HK2: variants seen among roughly 807,000 people sequenced by gnomAD.
The protein encoded by HK2 is hexokinase 2, also known as hexokinase-2.
Under a neutral mutation model 92.9 loss-of-function variants are expected in HK2, and 42 were observed. The observed-to-expected ratio is 0.45, with a 90% CI of 0.35 to 0.58. The LOEUF (loss-of-function observed/expected upper bound fraction) is 0.58. Ranked by LOEUF, HK2 falls within the 20% of genes least tolerant of loss-of-function variation. The pLI is 0.00. For synonymous variants in HK2, 422 were observed against 468.0 expected, an observed-to-expected ratio of 0.90 and a Z score of 1.27; for missense variants, 978 against 1,245.1, an observed-to-expected ratio of 0.79 and a Z score of 3.23.
chr2:74,880,608 C>T, intron 10 of HK2, 39 bp downstream of exon 10: 3 of 1,597,736 alleles, frequency 1.9e-6, no homozygotes, highest in Non-Finnish European at 2.6e-6. Context: ...CATGGTGGGC[C>T]TTTGTCCTGG....
chr2:74,877,884 C>T (rs1365903474), intron 8 of HK2, among the ~76,000 whole-genome samples: 2 of 152,154 alleles, frequency 1.3e-5, no homozygotes, highest in Non-Finnish European at 2.9e-5. Context: ...AGGCGGGCCT[C>T]GTTTACTGTT....
intron 1 of HK2, chr2:74,835,040 C>G: frequency 3.3e-6 from 1 of 299,900 alleles, no homozygotes. Context: ...AGAATCGTGG[C>G]TGCGGGAGGC....
rs1689546140 is a variant in HK2, at chr2:74,886,616, TC to T, written c.2164del (p.Arg722AlafsTer23). 1.9e-6 allele frequency: 3 copies of T among 1,613,836 alleles called. No homozygotes were observed. Among genetic ancestry groups the T allele is most frequent in the Non-Finnish European group, 8.5e-7 (1 of 1,180,004 alleles). ...AFGDNGCLDD[F>X]RTEFDVAVDE... ...GGGGACAATGGATGCCTAGATGACTTCCGCACAGAATTTGATGTGGCTGTGG... is the reference window on the plus strand; with the variant it reads ...GGGGACAATGGATGCCTAGATGACTTCGCACAGAATTTGATGTGGCTGTGG... On this transcript the variant is annotated frameshift_variant, in exon 15 of 18. Coordinates refer to ENST00000290573, the MANE Select transcript of HK2 (RefSeq NM_000189.5). LOFTEE classifies it high-confidence loss of function.
chr2:74,848,924 G>A (rs990592969), intron 1 of HK2, among the ~76,000 whole-genome samples: 3 of 152,160 alleles, frequency 2.0e-5, no homozygotes, highest in Non-Finnish European at 2.9e-5. Context: ...GACCTGGGTC[G>A]AGGCTGCTCC....
At chr2:74,880,156 G>A in intron 9 of HK2, 109 bp from the exon 10 acceptor site, 6 of 1,190,902 alleles carry the variant, frequency 5.0e-6, no homozygotes, top group Non-Finnish European at 7.4e-6. Context: ...ACCCACTCCT[G>A]CAGGTGCCTT....
intron 1 of HK2, among the ~76,000 whole-genome samples, chr2:74,840,878 C>CAAAAAAAA (rs56344068): frequency 5.4e-5 from 3 of 55,952 alleles, no homozygotes; most frequent in Admixed American, 2.4e-4. Context: ...GACTCTGTCT[C>CAAAAAAAA]AAAAAAAAAA....
intron 1 of HK2, among the ~76,000 whole-genome samples, chr2:74,844,713 T>G (rs777518506): frequency 2.1e-4 from 32 of 152,132 alleles, no homozygotes; most frequent in Non-Finnish European, 3.2e-4. Flanking sequence ...GAGTCTGACT[T>G]CTAGGGACCT....
Position 74,880,462 on chromosome 2 carries a change from A to G in HK2, c.1463A>G (p.Lys488Arg), listed in dbSNP as rs887800820. 5.0e-6 allele frequency: 8 copies of G among 1,614,226 alleles called. No homozygotes were observed. Among genetic ancestry groups the G allele is most frequent in the Non-Finnish European group, 6.8e-6 (8 of 1,180,032 alleles). Residue 488 changes from lysine (K) to arginine (R), a missense_variant, in exon 10 of 18, where the codon AAG (lysine) becomes AGG (arginine). Transcript: ENST00000290573. Reference protein sequence around the residue: ...QLSHDQLLEVKRRMKVEMERG... With the variant: ...QLSHDQLLEVRRRMKVEMERG... ...AGCCATGACCAGCTGCTGGAGGTCAAGAGGAGGATGAAGGTAGAAATGGAG... is the reference window on the plus strand; with the variant it reads ...AGCCATGACCAGCTGCTGGAGGTCAGGAGGAGGATGAAGGTAGAAATGGAG...
rs1347389477 is a variant in HK2 at position 74,886,579 on chromosome 2, T to TG, written c.2131dup (p.Ala711GlyfsTer10). ...GGGGCGGATGTGTGTGAACATGGAA[T>TG]GGGGGGCCTTCGGGGACAATGGATG... On this transcript the variant is annotated frameshift_variant, in exon 15 of 18. Coordinates refer to ENST00000290573, the MANE Select transcript of HK2 (RefSeq NM_000189.5). LOFTEE classifies it high-confidence loss of function. 1.2e-6 allele frequency: 2 copies of TG among 1,613,940 alleles called. No individual in the cohort carries two copies. Among genetic ancestry groups the TG allele is most frequent in the East Asian group, 2.2e-5 (1 of 44,872 alleles).
rs770835565 is a variant in HK2 at position 74,854,359 on chromosome 2, C to T, written c.130C>T (p.Arg44Cys). 18 of 1,613,738 alleles carry T rather than the reference C, an allele frequency of 1.1e-5. No homozygotes were observed. Among genetic ancestry groups the T allele is most frequent in the Middle Eastern group, 1.7e-4 (1 of 5,878 alleles). Residue 44 changes from arginine to cysteine, a missense_variant, in exon 2 of 18, where the codon CGC (arginine) becomes TGC (cysteine). Coordinates refer to ENST00000290573, the MANE Select transcript of HK2 (RefSeq NM_000189.5). ...CCTCTTGGAGATCTCTAAGCGGTTC[C>T]GCAAGGAGATGGAGAAAGGGCTTGG... ...ETLLEISKRF[R>C]KEMEKGLGAT...
Position 74,834,663 on chromosome 2 carries a change from G to T in HK2, c.63+20G>T. The T allele has an allele frequency of 3.7e-6, 6 of 1,613,742 alleles. No individual in the cohort carries two copies. The highest frequency in any genetic ancestry group is 5.1e-6 in the Non-Finnish European group (6 of 1,179,656). ...CAGAAGGTAAGTCAGCGCGGGCGGG[G>T]CGGCAGGCTGGGCTCTGGCAAAGTG... is the stretch of plus-strand genomic sequence containing the variant. On this transcript the variant is annotated intron_variant, in intron 1 of 17. Coordinates refer to ENST00000290573, the MANE Select transcript of HK2 (RefSeq NM_000189.5). This position sits in a 1 kb window ranked among gnomAD's most constrained non-coding sequence, Gnocchi z 4.2.
At chr2:74,851,405 C>T (rs998159581) in intron 1 of HK2, among the ~76,000 whole-genome samples, 5 of 152,154 alleles carry the variant, frequency 3.3e-5, no homozygotes, top group Admixed American at 1.3e-4. Context: ...CAAAAGGCAA[C>T]GTGGATAAAG....
In HK2 at chr2:74,834,750, C is replaced by A; in HGVS notation, c.63+107C>A. On this transcript the variant is annotated intron_variant, in intron 1 of 17. Transcript: ENST00000290573. The surrounding 1 kb of genome is among the most constrained non-coding windows in gnomAD (Gnocchi z 4.2). ...GGACCCGCTTCCTCCCTACTCCGGG[C>A]CTGGGAGCGGAAAAAGTTTGGGCAG... 8.0e-7 allele frequency: 1 copy of A among 1,253,710 alleles called. No homozygotes were observed. The highest frequency in any genetic ancestry group is 1.2e-6 in the Non-Finnish European group (1 of 858,622). 77.7% of individuals were successfully genotyped at this position (1,253,710 alleles called of 1,614,324 possible). A position where few individuals can be genotyped will look rare whatever the true frequency, so the allele number is the denominator to read the frequency against.
intron 16 of HK2, among the ~76,000 whole-genome samples, chr2:74,888,367 A>G (rs1209400707): frequency 6.6e-6 from 1 of 152,262 alleles, no homozygotes; most frequent in Non-Finnish European, 1.5e-5. Context: ...TGAAACGCAC[A>G]GAGGAAGATA....
intron 3 of HK2, among the ~76,000 whole-genome samples, chr2:74,868,528 A>G (rs553565218): frequency 2.8e-4 from 43 of 152,272 alleles, no homozygotes; most frequent in Non-Finnish European, 5.6e-4. Context: ...CCTGTTAAGT[A>G]TTTGGCATAG....
At chr2:74,861,053 C>T (rs925406162) in intron 2 of HK2, among the ~76,000 whole-genome samples, 9 of 152,194 alleles carry the variant, frequency 5.9e-5, no homozygotes, top group Non-Finnish European at 1.2e-4. Flanking sequence ...CCAGCCCTAA[C>T]GCAGTTCTGT....
chr2:74,855,478 G>A (rs564028570), intron 2 of HK2, among the ~76,000 whole-genome samples: 3 of 152,136 alleles, frequency 2.0e-5, no homozygotes, highest in Non-Finnish European at 4.4e-5. Context: ...CCTCGTACCC[G>A]CCCACCTCGG....
intron 7 of HK2, among the ~76,000 whole-genome samples, chr2:74,875,088 A>G (rs1689192550): frequency 6.6e-6 from 1 of 152,112 alleles, no homozygotes; most frequent in Admixed American, 6.5e-5. Context: ...AGTTGCTTTT[A>G]TCTCTTACAA....
Position 74,873,263 on chromosome 2 carries a change from G to T in HK2, c.496-13G>T. Reference sequence around the variant, plus strand: ...AGTGGGAAATCAATATTCACTTCTTGGTCCCTTTCCAGAGTTTCCTGGTCT... The same window carrying T: ...AGTGGGAAATCAATATTCACTTCTTTGTCCCTTTCCAGAGTTTCCTGGTCT... On this transcript the variant is annotated splice_polypyrimidine_tract_variant and intron_variant, in intron 4 of 17. Coordinates refer to ENST00000290573, the MANE Select transcript of HK2 (RefSeq NM_000189.5). The T allele has an allele frequency of 3.1e-6, 5 of 1,592,740 alleles. No homozygotes were observed. The South Asian group carries it at 3.3e-5, about 11-fold the overall frequency.
Sources: allele counts gnomAD v4.1 joint callset (sites outside exome capture counted in the v4.1 genomes callset), GRCh38; gene constraint gnomAD v4.1.1; non-coding constraint Gnocchi (gnomAD v3.1); transcripts MANE v1.5; gene names NCBI Gene and HGNC (gene_info 2026-07-23, HGNC 2026-07-21).